The following GAB1 variants were observed in gnomAD, a reference collection of about 807,000 sequenced individuals.
The protein encoded by GAB1 is GRB2-associated-binding protein 1.
A neutral mutation model predicts 66.5 loss-of-function variants in GAB1; 19 were observed. The ratio of observed to expected loss-of-function variants is 0.29; its 90% CI spans 0.20 to 0.42. The LOEUF (loss-of-function observed/expected upper bound fraction) is 0.42, where lower values mean the gene tolerates loss of function less well. Among genes scored for constraint, GAB1 ranks in the 10% least tolerant of loss-of-function variants. The probability of loss-of-function intolerance (pLI) is 1.00; values close to 1 mark genes in which losing one functional copy is unlikely to be tolerated. For synonymous variants in GAB1, 294 were observed against 301.4 expected (o/e 0.98, Z 0.25); for missense variants, 732 against 858.5 (o/e 0.85, Z 1.84).
At chr4:143,453,265 T>C (rs189655446) in intron 6 of GAB1, among the ~76,000 whole-genome samples, 27 of 152,278 alleles carry the variant, frequency 1.8e-4, no homozygotes, top group African/African-American at 5.8e-4. Context: ...AAAATACACG[T>C]AAATTTTATA....
chr4:143,351,503 T>G (rs926475538), intron 1 of GAB1, among the ~76,000 whole-genome samples: 4 of 151,080 alleles, frequency 2.6e-5, no homozygotes, highest in Non-Finnish European at 5.9e-5. Context: ...GTCTGGGGGG[T>G]TTTTATAGGC....
At chr4:143,421,299 A>G (rs376988273) in intron 2 of GAB1, among the ~76,000 whole-genome samples, 39 of 152,100 alleles carry the variant, frequency 2.6e-4, no homozygotes, top group East Asian at 9.6e-4. Context: ...GATCTATTCT[A>G]GTGTTGATTG....
chr4:143,431,975 C>T (rs1180956721), intron 2 of GAB1, among the ~76,000 whole-genome samples: 1 of 152,134 alleles, frequency 6.6e-6, no homozygotes, highest in African/African-American at 2.4e-5. Context: ...AAGCTAACTC[C>T]TGACCTGGTG....
At chr4:143,415,383 C>A in intron 1 of GAB1, 94 bp from the exon 2 acceptor site, 1 of 971,434 alleles carries the variant, frequency 1.0e-6, no homozygotes, top group Non-Finnish European at 1.5e-6. Flanking sequence ...TTTCTCTAAA[C>A]AATGCATTTG....
At chr4:143,455,460 A>G (rs1209906763) in intron 6 of GAB1, among the ~76,000 whole-genome samples, 1 of 152,194 alleles carries the variant, frequency 6.6e-6, no homozygotes, top group Non-Finnish European at 1.5e-5. Context: ...CAAAGCTGAG[A>G]AATGCAAAGA....
chr4:143,356,805 G>A (rs1433352075), intron 1 of GAB1, among the ~76,000 whole-genome samples: 1 of 152,144 alleles, frequency 6.6e-6, no homozygotes, highest in Non-Finnish European at 1.5e-5. Flanking sequence ...CAAAATGGGG[G>A]TTTCTGCGAG....
chr4:143,396,161 G>C (rs1731443184), intron 1 of GAB1, among the ~76,000 whole-genome samples: 1 of 152,186 alleles, frequency 6.6e-6, no homozygotes, highest in South Asian at 2.1e-4. Flanking sequence ...CGAATGGCAT[G>C]GGGTAGTGAC....
intron 8 of GAB1, among the ~76,000 whole-genome samples, chr4:143,463,880 A>C (rs1735633255): frequency 6.6e-6 from 1 of 152,236 alleles, no homozygotes; most frequent in African/African-American, 2.4e-5. Context: ...AAATAGGTTA[A>C]CTAGCCACCC....
chr4:143,361,827 G>T (rs1030073510), intron 1 of GAB1, among the ~76,000 whole-genome samples: 1 of 152,128 alleles, frequency 6.6e-6, no homozygotes, highest in Non-Finnish European at 1.5e-5. Flanking sequence ...TGGAGCCAGT[G>T]TACCTAGTAA....
chr4:143,367,713 A>G (rs1304666840), intron 1 of GAB1, among the ~76,000 whole-genome samples: 1 of 136,014 alleles, frequency 7.4e-6, no homozygotes, highest in African/African-American at 2.8e-5. Context: ...TGCAAATCAG[A>G]TGAGGGTTTT....
chr4:143,418,603 GC>G (rs1732830947), intron 2 of GAB1, among the ~76,000 whole-genome samples: 1 of 152,132 alleles, frequency 6.6e-6, no homozygotes, highest in African/African-American at 2.4e-5. Context: ...GGACATAAGG[GC>G]AGACTTTTGT....
At chr4:143,381,450 T>A (rs1312184984) in intron 1 of GAB1, among the ~76,000 whole-genome samples, 1 of 152,128 alleles carries the variant, frequency 6.6e-6, no homozygotes, top group Non-Finnish European at 1.5e-5. Flanking sequence ...GCTGTAGTGG[T>A]TCAGCCCTTG....
intron 1 of GAB1, among the ~76,000 whole-genome samples, chr4:143,366,202 G>A (rs548430305): frequency 3.7e-4 from 56 of 152,132 alleles, no homozygotes; most frequent in Non-Finnish European, 7.3e-4. Context: ...TTTTTATGCT[G>A]TATTCATTTG....
chr4:143,353,480 G>T (rs185929334), intron 1 of GAB1, among the ~76,000 whole-genome samples: 1 of 152,252 alleles, frequency 6.6e-6, no homozygotes, highest in East Asian at 1.9e-4. Flanking sequence ...CTCCACTTTA[G>T]AAAATTGGTC....
chr4:143,435,087 A>G (rs997137200), intron 3 of GAB1, among the ~76,000 whole-genome samples: 12 of 151,480 alleles, frequency 7.9e-5, no homozygotes, highest in African/African-American at 2.9e-4. Flanking sequence ...TTTATGACAG[A>G]TTTTTTTTTA....
At chr4:143,374,372 G>A (rs1320741633) in intron 1 of GAB1, among the ~76,000 whole-genome samples, 1 of 152,126 alleles carries the variant, frequency 6.6e-6, no homozygotes, top group Non-Finnish European at 1.5e-5. Context: ...CAAAGGAAAG[G>A]AAAACCTGTT....
At chr4:143,440,872 C>G (rs545757749) in intron 6 of GAB1, among the ~76,000 whole-genome samples, 3 of 152,208 alleles carry the variant, frequency 2.0e-5, no homozygotes, top group Non-Finnish European at 2.9e-5. Flanking sequence ...GCAGGCCAAC[C>G]CAAACACTTC....
chr4:143,407,926 A>C (rs1047643975), intron 1 of GAB1, among the ~76,000 whole-genome samples: 1 of 152,204 alleles, frequency 6.6e-6, no homozygotes, highest in Non-Finnish European at 1.5e-5. Context: ...TAGATTTTTA[A>C]ATATTTCAAT....
At chr4:143,403,767 A>G (rs1398485762) in intron 1 of GAB1, among the ~76,000 whole-genome samples, 2 of 152,192 alleles carry the variant, frequency 1.3e-5, no homozygotes, top group Non-Finnish European at 2.9e-5. Flanking sequence ...GAAGTTATTC[A>G]TTCTTGCTTA....
Sources: allele counts gnomAD v4.1 joint callset (sites outside exome capture counted in the v4.1 genomes callset), GRCh38; gene constraint gnomAD v4.1.1; transcripts MANE v1.5; gene names NCBI Gene and HGNC (gene_info 2026-07-23, HGNC 2026-07-21).